The following PARP10 variants were observed in gnomAD, a reference collection of about 807,000 sequenced individuals.
The protein encoded by PARP10 is protein mono-ADP-ribosyltransferase PARP10.
In PARP10, 56 loss-of-function variants were observed where a neutral mutation model predicts 82.4. The ratio of observed to expected loss-of-function variants is 0.68; its 90% CI spans 0.55 to 0.85. PARP10 has a LOEUF of 0.85. PARP10 is among the 40% of genes least tolerant of loss of function. The pLI is 0.00. For missense variants in PARP10, 1,227 were observed against 1,379.4 expected, an observed-to-expected ratio of 0.89 and a Z score of 1.75; for synonymous variants, 576 against 601.1, an observed-to-expected ratio of 0.96 and a Z score of 0.61.
upstream of PARP10, among the ~76,000 whole-genome samples, chr8:143,988,041 A>G (rs1479062831): frequency 6.6e-6 from 1 of 150,758 alleles, no homozygotes; most frequent in Non-Finnish European, 1.5e-5. Context: ...GCAGAGCTAC[A>G]GGCCACTCCT....
At chr8:143,991,274 C>T, upstream of PARP10, 1 of 1,541,708 alleles carries the variant, frequency 6.5e-7, no homozygotes, top group Non-Finnish European at 8.8e-7. Context: ...ATCCTCCCCC[C>T]AACCCTGGAT....
chr8:143,993,065 G>A, upstream of PARP10: 1 of 545,704 alleles, frequency 1.8e-6, no homozygotes. Context: ...CCGCCAAGGG[G>A]CACCAAGGCC....
rs781847422 is a variant in PARP10, at chr8:143,977,687, C to A, written c.2875G>T (p.Gly959Cys). 3.4e-5 allele frequency: 54 copies of A among 1,591,720 alleles called. No homozygotes were observed. The highest frequency in any genetic ancestry group is 4.4e-5 in the Non-Finnish European group (52 of 1,170,052). The stretch of plus-strand genomic sequence containing the variant: ...CCCCGCAGAGGGGGCGCCCGCAGAC[C>A]GCGGCGGCCCTGCCCGTAGTCGCCA... ...LTGDYGQGRR[G>C]LRAPPLRGPG... Residue 959 changes from glycine to cysteine, a missense_variant, in exon 11 of 11, where the codon GGT becomes TGT. Gly to Cys is a radical substitution (Grantham distance 159, BLOSUM62 -3). Transcript: ENST00000313028.
intron 1 of PARP10, among the ~76,000 whole-genome samples, chr8:144,007,216 T>C (rs1554752142): frequency 2.0e-5 from 3 of 152,304 alleles, no homozygotes; most frequent in East Asian, 3.9e-4. Flanking sequence ...CAAGTTCATA[T>C]TACCAAAAGT....
In PARP10 at chr8:143,983,843, G is replaced by C. The variant is rs1554748461; in HGVS notation, c.1778-32C>G. ...GCAGGGAGAGGCCATTGGGTCAGGG[G>C]CTGGACCCAGGAGGAGTTGGAATGG... On this transcript the variant is annotated intron_variant, in intron 7 of 10. Transcript: ENST00000313028. 3 of 1,539,436 alleles carry C rather than the reference G, an allele frequency of 1.9e-6. No individual in the cohort carries two copies. The South Asian group carries it at 3.8e-5, about 19-fold the overall frequency.
In PARP10 at chr8:143,985,058, T is replaced by G. The variant is rs782128523; in HGVS notation, c.944A>C (p.Gln315Pro). The G allele has an allele frequency of 1.5e-4, 243 of 1,613,522 alleles. No individual in the cohort carries two copies. Among genetic ancestry groups the G allele is most frequent in the Non-Finnish European group, 1.4e-4 (170 of 1,179,924 alleles). The change falls in exon 5 of 11, where the codon CAG becomes CCG. Residue 315 changes from glutamine to proline, a missense_variant. Physicochemically the swap from Gln to Pro is moderately conservative, Grantham distance 76. Transcript: ENST00000313028. ...GCCTGTTGTCATAATCCCTCTACCC[T>G]GCACCATGGGACCTGTCCTCAGAGA... ...GASLRTGPMV[Q>P]GRGIMTTGSG...
upstream of PARP10, chr8:143,990,707 G>C (rs1554750297): frequency 6.6e-6 from 1 of 152,122 alleles, no homozygotes; most frequent in African/African-American, 2.4e-5. This position sits in a 1 kb window ranked among gnomAD's most constrained non-coding sequence, Gnocchi z 5.6. Context: ...GGGGGGGCTC[G>C]GGCCTTTGTT....
upstream of PARP10, chr8:143,992,622 G>A (rs75208291): frequency 7.4e-6 from 12 of 1,614,090 alleles, no homozygotes; most frequent in Non-Finnish European, 1.0e-5. Flanking sequence ...AGTGAGGGGT[G>A]ACCTTGGCCG....
Position 144,008,519 on chromosome 8 carries a change from G to A in PARP10, c.-80+4011C>T, listed in dbSNP as rs1247741333. On this transcript the variant is annotated intron_variant, in intron 1 of 3. Transcript: ENST00000530478. The surrounding 1 kb of genome is among the most constrained non-coding windows in gnomAD (Gnocchi z 4.0). ...CAGCAAAAGCAAGTGGGACAACACT[G>A]GAGGTTTGTTCACAGTGAGCCCCTA... is the stretch of plus-strand genomic sequence containing the variant. Among the ~76,000 whole-genome samples, 1 of 152,224 alleles carries A rather than the reference G, an allele frequency of 6.6e-6. No homozygotes were observed. The highest frequency in any genetic ancestry group is 1.5e-5 in the Non-Finnish European group (1 of 68,050).
upstream of PARP10, chr8:143,991,388 A>G: frequency 3.6e-6 from 4 of 1,107,514 alleles, no homozygotes; most frequent in Non-Finnish European, 5.0e-6. Flanking sequence ...ACGGTCAGCC[A>G]GGGTACCCCC....
At chr8:144,012,441 C>T (rs1241776970) in intron 1 of PARP10, 36 of 1,354,050 alleles carry the variant, frequency 2.7e-5, no homozygotes, top group Non-Finnish European at 3.7e-5. Context: ...TCAGCCCAGG[C>T]AAGGCCTGGG....
At chr8:143,992,646 G>GGGCA, upstream of PARP10, 1 of 1,613,954 alleles carries the variant, frequency 6.2e-7, no homozygotes, top group Non-Finnish European at 8.5e-7. Flanking sequence ...GCGGGATGCT[G>GGGCA]GGCAGGCAGG....
chr8:144,006,419 G>T (rs1390531797), intron 1 of PARP10, among the ~76,000 whole-genome samples: 1 of 152,252 alleles, frequency 6.6e-6, no homozygotes, highest in Non-Finnish European at 1.5e-5. Context: ...AGAAAGCTGG[G>T]AAGTGGTGCT....
chr8:143,977,320 G>A lies in PARP10; in HGVS notation c.*164C>T. On this transcript the variant is annotated 3_prime_UTR_variant, in exon 11 of 11. Coordinates refer to ENST00000313028, the MANE Select transcript of PARP10 (RefSeq NM_032789.5). ...GCTGGGACCTAGCCCGGCCCCCCTC[G>A]GCCGCTGCTGACCGCCATCCCCCAC... The A allele has an allele frequency of 1.3e-6, 1 of 761,900 alleles. No homozygotes were observed. The highest frequency in any genetic ancestry group is 2.0e-6 in the Non-Finnish European group (1 of 488,492). 47.2% of individuals were successfully genotyped at this position (761,900 alleles called of 1,614,324 possible). A position where few individuals can be genotyped will look rare whatever the true frequency, so the allele number is the denominator to read the frequency against.
intron 1 of PARP10, among the ~76,000 whole-genome samples, chr8:143,996,903 A>G (rs1365400617): frequency 1.3e-5 from 2 of 151,992 alleles, no homozygotes; most frequent in Admixed American, 1.3e-4. Context: ...ATCATCCTTG[A>G]GATGGTTTAA....
chr8:143,977,916 C>T lies in PARP10; in HGVS notation c.2722G>A (p.Gly908Ser). The change falls in exon 10 of 11, where the codon GGC becomes AGC. Residue 908 changes from glycine (G) to serine (S), a missense_variant. Physicochemically the swap from Gly to Ser is moderately conservative, Grantham distance 56. Transcript: ENST00000313028. The stretch of plus-strand genomic sequence containing the variant: ...CCGGCTCAGGCCTCACCGTTGCGGC[C>T]GCAGAAGCTGCGGTTGAAGCCGTGG... ...CAHGFNRSFC[G>S]RNATVYGKGV... 1.9e-6 allele frequency: 3 copies of T among 1,601,608 alleles called. No homozygotes were observed. The highest frequency in any genetic ancestry group is 2.5e-6 in the Non-Finnish European group (3 of 1,179,306).
intron 1 of PARP10, 44 bp downstream of exon 1, chr8:143,986,314 C>G (rs1312707005): frequency 1.2e-6 from 2 of 1,614,012 alleles, no homozygotes; most frequent in African/African-American, 2.7e-5. Context: ...AAGGTGTGTC[C>G]TCAATGCTCC....
rs202102394 is a variant in PARP10 at position 143,985,213 on chromosome 8, G to A, written c.789C>T (p.Asp263=). The change falls in exon 5 of 11, where the codon GAC becomes GAT. Residue 263 remains aspartate, a synonymous_variant. Transcript: ENST00000313028. ...CCCTAGGCCCCTGGGTGGACGGGTG[G>A]TCCCCTCCACTGGTGTTCTCAGCCA... The part of the protein sequence containing the change: ...EELAENTSGG[D]HPSTQGPRAT... 1 of 1,614,090 alleles carries A rather than the reference G, an allele frequency of 6.2e-7. No homozygotes were observed. The highest frequency in any genetic ancestry group is 1.1e-5 in the South Asian group (1 of 91,086).
In PARP10 at chr8:143,985,490, T is replaced by G. The variant is rs1168297746; in HGVS notation, c.595A>C (p.Ser199Arg). 1 of 1,613,656 alleles carries G rather than the reference T, an allele frequency of 6.2e-7. No individual in the cohort carries two copies. Among genetic ancestry groups the G allele is most frequent in the Non-Finnish European group, 8.5e-7 (1 of 1,179,896 alleles). ...LELYLENERR[S>R]GGGPLEDLQR... The stretch of plus-strand genomic sequence containing the variant: ...AGGTCCTCCAGGGGCCCCCCACCAC[T>G]GCGGCGCTCATTCTCCAGGTACAAC... The change falls in exon 4 of 11, where the codon AGT (serine) becomes CGT (arginine). Residue 199 changes from serine (S) to arginine (R), a missense_variant. By Grantham distance (110) the Ser-to-Arg change is moderately radical. Coordinates refer to ENST00000313028, the MANE Select transcript of PARP10 (RefSeq NM_032789.5).
Sources: gnomAD v4.1 joint callset for allele counts (sites outside exome capture counted in the v4.1 genomes callset) on GRCh38, gnomAD v4.1.1 for gene constraint, Gnocchi (gnomAD v3.1) non-coding constraint, MANE v1.5 for transcripts, NCBI Gene and HGNC (gene_info 2026-07-23, HGNC 2026-07-21) for gene names.